Variants in GCNT2 observed in about 807,000 individuals in gnomAD.
GCNT2 encodes N-acetyllactosaminide beta-1,6-N-acetylglucosaminyl-transferase.
Under a neutral mutation model 34.2 loss-of-function variants are expected in GCNT2, and 34 were observed. The ratio of observed to expected loss-of-function variants is 1.00; its 90% CI spans 0.76 to 1.32. GCNT2 has a LOEUF of 1.32. Ranked by LOEUF, GCNT2 falls within the 40% of genes most tolerant of loss-of-function variation. The probability of loss-of-function intolerance (pLI) is 0.00; values close to 1 mark genes in which losing one functional copy is unlikely to be tolerated. For synonymous variants in GCNT2, 212 were observed against 188.0 expected, an observed-to-expected ratio of 1.13 and a Z score of -1.04; for missense variants, 584 against 489.4, an observed-to-expected ratio of 1.19 and a Z score of -1.82.
Position 10,586,607 on chromosome 6 carries a change from T to A in GCNT2, c.926-34744T>A, listed in dbSNP as rs1764360572. On this transcript the variant is annotated intron_variant, in intron 3 of 4. Coordinates refer to ENST00000495262, the MANE Select transcript of GCNT2 (RefSeq NM_145649.5). The stretch of plus-strand genomic sequence containing the variant: ...AAACCAACCGGGAGATAGTTCAGCA[T>A]CTGAAAGGATTTAAAGGGAAAAATA... 1.9e-6 allele frequency: 3 copies of A among 1,614,184 alleles called. 1 individual carries two copies. Among genetic ancestry groups the A allele is most frequent in the Middle Eastern group, 3.3e-4 (2 of 6,062 alleles).
Position 10,626,438 on chromosome 6 carries a change from G to T in GCNT2, c.1040G>T (p.Cys347Phe). 11 of 1,613,096 alleles carry T rather than the reference G, an allele frequency of 6.8e-6. No individual in the cohort carries two copies. Among genetic ancestry groups the T allele is most frequent in the Non-Finnish European group, 9.3e-6 (11 of 1,179,084 alleles). Residue 347 changes from cysteine to phenylalanine, a missense_variant, in exon 5 of 5, where the codon TGT (cysteine) becomes TTT (phenylalanine). By Grantham distance (205) the Cys-to-Phe change is radical. Transcript: ENST00000495262. ...GCHGHYVHGI[C>F]IYGNGDLKWL... ...GCAGGCCACTATGTACATGGTATTT[G>T]TATCTATGGAAACGGAGACTTAAAG...
At chr6:10,615,081 T>C (rs1263470627) in intron 3 of GCNT2, among the ~76,000 whole-genome samples, 1 of 152,128 alleles carries the variant, frequency 6.6e-6, no homozygotes, top group Non-Finnish European at 1.5e-5. Context: ...CAAGAGAAGA[T>C]TTTGAGTGAG....
chr6:10,596,662 G>A (rs868734706), intron 3 of GCNT2, among the ~76,000 whole-genome samples: 59 of 151,648 alleles, frequency 3.9e-4, no homozygotes, highest in South Asian at 2.9e-3. Flanking sequence ...ACTGTTTCCT[G>A]TGTATCCCTC....
chr6:10,532,601 G>A (rs1370152340), intron 3 of GCNT2, among the ~76,000 whole-genome samples: 1 of 152,124 alleles, frequency 6.6e-6, no homozygotes, highest in Non-Finnish European at 1.5e-5. Flanking sequence ...CCTTCCAAGA[G>A]GCTGGGACTA....
chr6:10,605,690 C>T (rs1340354958), intron 3 of GCNT2, among the ~76,000 whole-genome samples: 8 of 151,956 alleles, frequency 5.3e-5, no homozygotes, highest in African/African-American at 1.7e-4. Context: ...GGATAAAAAC[C>T]GAAGAATGGA....
intron 2 of GCNT2, among the ~76,000 whole-genome samples, chr6:10,528,023 A>G (rs1150545): frequency 0.076 from 11,561 of 152,246 alleles, 494 homozygotes; most frequent in Middle Eastern, 0.13. Flanking sequence ...AATAAACTTG[A>G]AATTCACTAT....
chr6:10,537,424 C>T (rs189938312), intron 3 of GCNT2, among the ~76,000 whole-genome samples: 30 of 151,798 alleles, frequency 2.0e-4, no homozygotes, highest in Non-Finnish European at 4.0e-4. Context: ...TTAATGGCCA[C>T]GTGGGGTGGC....
chr6:10,596,501 A>G lies in GCNT2; in HGVS notation c.926-24850A>G, dbSNP rs181866909. ...GCGCCACTGCACTCCAGGCTGGGCA[A>G]GAGAGTGAGACTCCATCTCAAAAAA... On this transcript the variant is annotated intron_variant, in intron 3 of 4. Transcript: ENST00000495262. Among the ~76,000 whole-genome samples, 13 of 151,912 alleles carry G rather than the reference A, an allele frequency of 8.6e-5. No individual in the cohort carries two copies. In the East Asian group the frequency reaches 2.5e-3, roughly 29 times the overall value.
chr6:10,543,255 G>A (rs1039384971), intron 3 of GCNT2, among the ~76,000 whole-genome samples: 2 of 150,390 alleles, frequency 1.3e-5, no homozygotes, highest in Non-Finnish European at 3.0e-5. Flanking sequence ...CCAGGCTGAA[G>A]TTCGGTGGCT....
intron 3 of GCNT2, among the ~76,000 whole-genome samples, chr6:10,605,794 C>G (rs909242190): frequency 6.6e-5 from 10 of 152,208 alleles, no homozygotes; most frequent in South Asian, 2.1e-4. Context: ...TTAAGATTTT[C>G]CTGGGAAAAA....
intron 1 of GCNT2, among the ~76,000 whole-genome samples, chr6:10,524,812 A>C (rs1408808998): frequency 6.6e-6 from 1 of 151,898 alleles, no homozygotes; most frequent in Non-Finnish European, 1.5e-5. Context: ...CTGAGTCACA[A>C]AAGCAAAACT....
chr6:10,615,285 G>A (rs940238538), intron 3 of GCNT2, among the ~76,000 whole-genome samples: 4 of 152,118 alleles, frequency 2.6e-5, no homozygotes, highest in African/African-American at 7.2e-5. Context: ...AGATGCTGAC[G>A]TTGGATGTTG....
intron 3 of GCNT2, among the ~76,000 whole-genome samples, chr6:10,571,150 G>T (rs1013505831): frequency 6.6e-6 from 1 of 152,112 alleles, no homozygotes; most frequent in Non-Finnish European, 1.5e-5. Context: ...TCCTTAAAAT[G>T]AGTTTACATT....
chr6:10,607,156 C>T (rs1056745777), intron 3 of GCNT2, among the ~76,000 whole-genome samples: 3 of 151,936 alleles, frequency 2.0e-5, no homozygotes, highest in South Asian at 2.1e-4. Flanking sequence ...CCATGTTGGC[C>T]GGGCTGGTTT....
chr6:10,582,589 A>T (rs1363175021), intron 3 of GCNT2, among the ~76,000 whole-genome samples: 4 of 122,612 alleles, frequency 3.3e-5, no homozygotes, highest in African/African-American at 1.1e-4. Flanking sequence ...TAAACTATAT[A>T]TAAAATATTT....
At chr6:10,551,145 G>T (rs779928774) in intron 3 of GCNT2, among the ~76,000 whole-genome samples, 2 of 152,150 alleles carry the variant, frequency 1.3e-5, no homozygotes, top group African/African-American at 2.4e-5. Flanking sequence ...CCAATTGTTA[G>T]ATGTATGCTA....
intron 3 of GCNT2, among the ~76,000 whole-genome samples, chr6:10,577,367 C>T (rs1188650329): frequency 2.6e-5 from 4 of 152,148 alleles, no homozygotes; most frequent in Non-Finnish European, 5.9e-5. Flanking sequence ...GGAGCTCAGC[C>T]ACAAAGTGAG....
intron 3 of GCNT2, among the ~76,000 whole-genome samples, chr6:10,567,673 C>T (rs1763348896): frequency 6.6e-6 from 1 of 152,174 alleles, no homozygotes; most frequent in Non-Finnish European, 1.5e-5. Flanking sequence ...AAATTGATCT[C>T]TTCTTACTTC....
intron 3 of GCNT2, among the ~76,000 whole-genome samples, chr6:10,548,541 A>C (rs1329066188): frequency 6.6e-6 from 1 of 151,818 alleles, no homozygotes; most frequent in African/African-American, 2.4e-5. Context: ...ATTACCATCC[A>C]CTCCACTTGC....
Sources: allele counts gnomAD v4.1 joint callset (sites outside exome capture counted in the v4.1 genomes callset), GRCh38; gene constraint gnomAD v4.1.1; transcripts MANE v1.5; gene names NCBI Gene and HGNC (gene_info 2026-07-23, HGNC 2026-07-21).